The following ZFP82 variants were observed in gnomAD, a reference collection of about 807,000 sequenced individuals.
The protein encoded by ZFP82 is ZFP82 zinc finger protein.
A neutral mutation model predicts 54.0 loss-of-function variants in ZFP82; 30 were observed. The ratio of observed to expected loss-of-function variants is 0.56; its 90% CI spans 0.42 to 0.75. ZFP82 has a LOEUF of 0.75. Ranked by LOEUF, ZFP82 falls within the 30% of genes least tolerant of loss-of-function variation. ZFP82 has a pLI of 0.00. For synonymous variants in ZFP82, 194 were observed against 209.5 expected (o/e 0.93, Z 0.64); for missense variants, 500 against 636.8 (o/e 0.79, Z 2.31).
intron 3 of ZFP82, among the ~76,000 whole-genome samples, chr19:36,407,141 A>C (rs933469601): frequency 8.1e-6 from 1 of 123,784 alleles, no homozygotes; most frequent in African/African-American, 3.2e-5. Flanking sequence ...CAGTGGCGGG[A>C]TCTCAGCTCA....
intron 1 of ZFP82, among the ~76,000 whole-genome samples, chr19:36,416,528 G>A (rs371797336): frequency 4.0e-5 from 6 of 150,444 alleles, no homozygotes; most frequent in East Asian, 4.0e-4. Context: ...AGGCCAAGGC[G>A]GGCAGATCAC....
rs1477626400 is a variant in ZFP82 at position 36,393,416 on chromosome 19, C to G, written c.924G>C (p.Arg308Ser). The G allele has an allele frequency of 1.9e-6, 3 of 1,613,568 alleles. No homozygotes were observed. The highest frequency in any genetic ancestry group is 2.5e-6 in the Non-Finnish European group (3 of 1,179,898). The part of the protein sequence containing the change: ...TRHQKLNSAD[R>S]LYECKECGKA... Reference sequence around the variant, plus strand: ...TCCCACATTCTTTGCATTCATAGAGCCTGTCAGCACTATTAAGCTTCTGAT... The same window carrying G: ...TCCCACATTCTTTGCATTCATAGAGGCTGTCAGCACTATTAAGCTTCTGAT... Residue 308 changes from arginine (R) to serine (S), a missense_variant, in exon 5 of 5, where the codon AGG becomes AGC. Physicochemically the swap from Arg to Ser is moderately radical, Grantham distance 110. Coordinates refer to ENST00000392161, the MANE Select transcript of ZFP82 (RefSeq NM_133466.4).
chr19:36,402,765 A>T (rs1406630028), intron 4 of ZFP82, among the ~76,000 whole-genome samples: 1 of 149,814 alleles, frequency 6.7e-6, no homozygotes, highest in African/African-American at 2.5e-5. Flanking sequence ...GGAGGCCGAG[A>T]TGGGCGGATC....
chr19:36,402,588 T>C (rs1268491339), intron 4 of ZFP82, among the ~76,000 whole-genome samples: 1 of 152,022 alleles, frequency 6.6e-6, no homozygotes, highest in Non-Finnish European at 1.5e-5. Flanking sequence ...GAAATGGTCC[T>C]ATGGTTATAA....
At chr19:36,396,443 C>T (rs1305028248) in intron 4 of ZFP82, among the ~76,000 whole-genome samples, 2 of 151,918 alleles carry the variant, frequency 1.3e-5, no homozygotes, top group Non-Finnish European at 2.9e-5. Flanking sequence ...GTCAGGAGAT[C>T]GAGACCATCC....
chr19:36,416,252 T>A (rs533805340), intron 1 of ZFP82, among the ~76,000 whole-genome samples: 40 of 152,342 alleles, frequency 2.6e-4, no homozygotes, highest in African/African-American at 9.4e-4. Flanking sequence ...TGTCTAACAT[T>A]GAAAAACATT....
intron 1 of ZFP82, among the ~76,000 whole-genome samples, chr19:36,417,645 C>G (rs1201235665): frequency 6.6e-6 from 1 of 152,104 alleles, no homozygotes; most frequent in Non-Finnish European, 1.5e-5. Context: ...CCCCCACCGC[C>G]CACCCACACA....
intron 3 of ZFP82, 138 bp from the exon 4 acceptor site, chr19:36,405,810 C>A: frequency 1.9e-6 from 1 of 535,824 alleles, no homozygotes; most frequent in Non-Finnish European, 3.1e-6. Flanking sequence ...GTTTTAAAAA[C>A]ATTTACGTTA....
downstream of ZFP82, among the ~76,000 whole-genome samples, chr19:36,386,850 C>T (rs979347323): frequency 7.2e-5 from 11 of 152,194 alleles, no homozygotes; most frequent in Admixed American, 3.9e-4. Flanking sequence ...GCAGGAGAAT[C>T]GCTTGAATCT....
rs542545785 is a variant in ZFP82 at position 36,389,143 on chromosome 19, G to A, written c.*3598C>T. ...CAACCTCCGCCTCCTGGGTTCAAGC[G>A]ATTTTCCTGCCTCAGCCTCCCGAGT... On this transcript the variant is annotated 3_prime_UTR_variant, in exon 5 of 5. Transcript: ENST00000392161. 2.6e-5 allele frequency among the ~76,000 whole-genome samples: 4 copies of A among 151,522 alleles called. No homozygotes were observed. The highest frequency in any genetic ancestry group is 2.1e-4 in the South Asian group (1 of 4,808).
At chr19:36,416,776 A>G (rs1241662426) in intron 1 of ZFP82, among the ~76,000 whole-genome samples, 1 of 145,788 alleles carries the variant, frequency 6.9e-6, no homozygotes, top group Non-Finnish European at 1.5e-5. Context: ...AAAAAAAAAA[A>G]GAATTCCTGT....
In ZFP82 at chr19:36,399,843, C is replaced by T. The variant is rs546167898; in HGVS notation, c.230-5733G>A. Among the ~76,000 whole-genome samples the T allele has an allele frequency of 1.1e-3, 165 of 152,202 alleles. 2 individuals are homozygous for T. The highest frequency in any genetic ancestry group is 3.8e-3 in the African/African-American group (158 of 41,546). ...ATGAAAGAAAACATAACAATCAAGA[C>T]GTATTCTGCACTCATACTGCAAGTT... On this transcript the variant is annotated intron_variant, in intron 4 of 4. Transcript: ENST00000392161.
At chr19:36,405,377 C>G (rs1474270886) in intron 4 of ZFP82, among the ~76,000 whole-genome samples, 1 of 151,996 alleles carries the variant, frequency 6.6e-6, no homozygotes, top group Non-Finnish European at 1.5e-5. Context: ...TTAGTATCCC[C>G]CAGCTAAGAC....
intron 2 of ZFP82, among the ~76,000 whole-genome samples, chr19:36,408,312 T>C (rs1023358736): frequency 6.6e-6 from 1 of 152,186 alleles, no homozygotes; most frequent in Admixed American, 6.5e-5. Flanking sequence ...ATACTGTATA[T>C]AAGCCTTTGC....
intron 4 of ZFP82, among the ~76,000 whole-genome samples, chr19:36,401,387 TCTTC>T (rs2145587318): frequency 6.6e-6 from 1 of 152,330 alleles, no homozygotes; most frequent in East Asian, 1.9e-4. Flanking sequence ...TCCAACTTGC[TCTTC>T]CTATTTTCCT....
Position 36,413,456 on chromosome 19 carries a change from C to G in ZFP82, c.-78-3589G>C, listed in dbSNP as rs181799535. ...CGACAACCTGAAATCAAATACCTAACAGTAGGCAACAAGTTGAATAAATGA... is the reference window on the plus strand; with the variant it reads ...CGACAACCTGAAATCAAATACCTAAGAGTAGGCAACAAGTTGAATAAATGA... On this transcript the variant is annotated intron_variant, in intron 1 of 4. Transcript: ENST00000392161. Among the ~76,000 whole-genome samples, 155 of 152,118 alleles carry G rather than the reference C, an allele frequency of 1.0e-3. 1 individual carries two copies. Among genetic ancestry groups the G allele is most frequent in the African/African-American group, 3.5e-3 (146 of 41,500 alleles).
At chr19:36,385,026 G>A (rs1258104101), downstream of ZFP82, among the ~76,000 whole-genome samples, 1 of 152,170 alleles carries the variant, frequency 6.6e-6, no homozygotes, top group Non-Finnish European at 1.5e-5. Context: ...TGGTTTGAAT[G>A]TGTCCCCCAA....
intron 4 of ZFP82, among the ~76,000 whole-genome samples, chr19:36,398,570 A>G (rs1163004124): frequency 6.6e-6 from 1 of 152,006 alleles, no homozygotes; most frequent in Non-Finnish European, 1.5e-5. Context: ...ATGGTTCAAT[A>G]TGGGGAAATC....
In ZFP82 at chr19:36,393,028, T is replaced by A; in HGVS notation, c.1312A>T (p.Thr438Ser). Residue 438 changes from threonine (T) to serine (S), a missense_variant, in exon 5 of 5, where the codon ACA becomes TCA. Coordinates refer to ENST00000392161, the MANE Select transcript of ZFP82 (RefSeq NM_133466.4). ...GKAFRLLSQL[T>S]QHQSIHIGEK... Reference sequence around the variant, plus strand: ...CCAATATGAATACTCTGATGCTGTGTGAGTTGTGAAAGTAGTCTGAAGGCC... The same window carrying A: ...CCAATATGAATACTCTGATGCTGTGAGAGTTGTGAAAGTAGTCTGAAGGCC... 1 of 1,614,204 alleles carries A rather than the reference T, an allele frequency of 6.2e-7. No individual in the cohort carries two copies. The highest frequency in any genetic ancestry group is 1.1e-5 in the South Asian group (1 of 91,078).
Sources: gnomAD v4.1 joint callset for allele counts (sites outside exome capture counted in the v4.1 genomes callset) on GRCh38, gnomAD v4.1.1 for gene constraint, MANE v1.5 for transcripts, NCBI Gene and HGNC (gene_info 2026-07-23, HGNC 2026-07-21) for gene names.